GTF2IRD2B: variants seen among roughly 807,000 people sequenced by gnomAD.
The protein encoded by GTF2IRD2B is GTF2I repeat domain containing 2B.
Under a neutral mutation model 55.6 loss-of-function variants are expected in GTF2IRD2B, and 10 were observed. The ratio of observed to expected loss-of-function variants is 0.18; its 90% confidence interval spans 0.11 to 0.31. The LOEUF (loss-of-function observed/expected upper bound fraction) is 0.31. Ranked by LOEUF, GTF2IRD2B falls within the 10% of genes least tolerant of loss-of-function variation. The pLI, the probability that GTF2IRD2B is intolerant of heterozygous loss-of-function variation, is 1.00. For missense variants in GTF2IRD2B, 206 were observed against 802.7 expected (o/e 0.26, Z 8.98); for synonymous variants, 107 against 320.5 (o/e 0.33, Z 7.12).
intron 1 of GTF2IRD2B, among the ~76,000 whole-genome samples, chr7:75,101,550 T>G (rs71560442): frequency 1.4e-4 from 21 of 151,026 alleles, no homozygotes; most frequent in East Asian, 5.9e-4. Context: ...GGCACTGCAC[T>G]TCAGCCTGGG....
rs879976321 is a variant in GTF2IRD2B at position 75,148,193 on chromosome 7, C to G, written c.1746C>G (p.Asp582Glu). ...ENFDVSEELL[D>E]TVPMTGTKSG... Reference sequence around the variant, plus strand: ...TCGATGTGTCCGAAGAACTTCTGGACACGGTGCCCATGACGGGTACAAAAT... The same window carrying G: ...TCGATGTGTCCGAAGAACTTCTGGAGACGGTGCCCATGACGGGTACAAAAT... Residue 582 changes from aspartate (D) to glutamate (E), a missense_variant, in exon 16 of 16, where the codon GAC becomes GAG. Asp to Glu is a conservative substitution (Grantham distance 45). Coordinates refer to ENST00000472837, the MANE Select transcript of GTF2IRD2B (RefSeq NM_001003795.3). 3 of 1,613,714 alleles carry G rather than the reference C, an allele frequency of 1.9e-6. No homozygotes were observed. Among genetic ancestry groups the G allele is most frequent in the Non-Finnish European group, 2.5e-6 (3 of 1,179,860 alleles).
At chr7:75,120,128 CAA>C (rs1410735935) in intron 3 of GTF2IRD2B, among the ~76,000 whole-genome samples, 1 of 76,480 alleles carries the variant, frequency 1.3e-5, no homozygotes, top group Admixed American at 1.4e-4. Flanking sequence ...GACTCTGTCT[CAA>C]AAAAAAAAAA....
intron 3 of GTF2IRD2B, among the ~76,000 whole-genome samples, chr7:75,117,876 A>T (rs1301161175): frequency 6.6e-6 from 1 of 152,282 alleles, no homozygotes; most frequent in African/African-American, 2.4e-5. Flanking sequence ...TGAGGCCAGG[A>T]GTTTGAAACC....
intron 1 of GTF2IRD2B, among the ~76,000 whole-genome samples, chr7:75,101,495 G>A (rs1807554433): frequency 6.6e-6 from 1 of 151,198 alleles, no homozygotes; most frequent in Non-Finnish European, 1.5e-5. Flanking sequence ...AGCCCAGGAG[G>A]TCAAGGCTAC....
chr7:75,147,508 T>C (rs1809183232), intron 15 of GTF2IRD2B, among the ~76,000 whole-genome samples, 186 bp from the exon 16 acceptor site: 1 of 152,092 alleles, frequency 6.6e-6, no homozygotes, highest in Admixed American at 6.6e-5. Context: ...GCTGGCGTCC[T>C]GGCAGCGGTT....
intron 1 of GTF2IRD2B, among the ~76,000 whole-genome samples, chr7:75,099,803 C>G (rs1376401923): frequency 1.4e-5 from 2 of 139,464 alleles, no homozygotes; most frequent in Non-Finnish European, 3.2e-5. Context: ...CTCATCTAGT[C>G]TAGTTTACAT....
chr7:75,138,603 G>T (rs1294006772), intron 11 of GTF2IRD2B, among the ~76,000 whole-genome samples: 1 of 120,510 alleles, frequency 8.3e-6, no homozygotes, highest in Non-Finnish European at 1.7e-5. Context: ...GGAGGCAAAG[G>T]TTGCAGTGAG....
At chr7:75,130,105 CT>C (rs1808620175) in intron 8 of GTF2IRD2B, among the ~76,000 whole-genome samples, 1 of 99,862 alleles carries the variant, frequency 1.0e-5, no homozygotes, top group Non-Finnish European at 2.2e-5. Flanking sequence ...TTCTTTCTTT[CT>C]TTCTTTCTTT....
chr7:75,115,762 T>C (rs2115745419), intron 3 of GTF2IRD2B, among the ~76,000 whole-genome samples: 1 of 151,112 alleles, frequency 6.6e-6, no homozygotes, highest in Non-Finnish European at 1.5e-5. Context: ...GATTTCTTAA[T>C]TTGTACGAGA....
intron 8 of GTF2IRD2B, among the ~76,000 whole-genome samples, chr7:75,127,305 T>C (rs1336448676): frequency 6.6e-6 from 1 of 150,510 alleles, no homozygotes; most frequent in Non-Finnish European, 1.5e-5. Flanking sequence ...ATGGCGAGAC[T>C]TCATCTCTGC....
chr7:75,102,537 G>A (rs1215441937), intron 1 of GTF2IRD2B, among the ~76,000 whole-genome samples: 2 of 151,440 alleles, frequency 1.3e-5, no homozygotes, highest in African/African-American at 2.4e-5. Flanking sequence ...GTAGTGGCTC[G>A]CAGCTGTAAT....
chr7:75,117,213 A>G (rs1373654426), intron 3 of GTF2IRD2B, among the ~76,000 whole-genome samples: 3 of 151,566 alleles, frequency 2.0e-5, no homozygotes, highest in South Asian at 2.1e-4. Context: ...TATTTGAGGA[A>G]TAAATTCCAC....
chr7:75,123,646 C>T (rs1187333237), intron 6 of GTF2IRD2B, 130 bp downstream of exon 6: 3 of 642,978 alleles, frequency 4.7e-6, no homozygotes, highest in African/African-American at 1.8e-5. Context: ...GAGGCTGAGG[C>T]AGGTGGATCA....
chr7:75,114,109 A>AT (rs1357411647), intron 3 of GTF2IRD2B, among the ~76,000 whole-genome samples: 1 of 150,590 alleles, frequency 6.6e-6, no homozygotes, highest in Non-Finnish European at 1.5e-5. Flanking sequence ...AGAGAGAGAG[A>AT]GAGAGAGATG....
chr7:75,114,230 T>G lies in GTF2IRD2B; in HGVS notation c.238+1695T>G, dbSNP rs184857303. Among the ~76,000 whole-genome samples the G allele has an allele frequency of 7.1e-4, 107 of 151,536 alleles. 1 individual carries two copies. The highest frequency in any genetic ancestry group is 5.5e-3 in the Admixed American group (84 of 15,142). ...AAAAAATGAAGCCATCTTTAAATAA[T>G]ACAGTATGTAACTGATACACAAGAA... On this transcript the variant is annotated intron_variant, in intron 3 of 15. Coordinates refer to ENST00000472837, the MANE Select transcript of GTF2IRD2B (RefSeq NM_001003795.3).
intron 1 of GTF2IRD2B, among the ~76,000 whole-genome samples, chr7:75,104,580 TCTCTC>T (rs1244133032): frequency 6.6e-6 from 1 of 152,198 alleles, no homozygotes; most frequent in Non-Finnish European, 1.5e-5. Context: ...TACGCCCTTT[TCTCTC>T]CCGGGGATGC....
intron 3 of GTF2IRD2B, among the ~76,000 whole-genome samples, chr7:75,115,259 C>G (rs1322536807): frequency 6.7e-6 from 1 of 150,158 alleles, no homozygotes; most frequent in African/African-American, 2.5e-5. Flanking sequence ...TATTTCTGGA[C>G]TCCCTACTCT....
intron 1 of GTF2IRD2B, among the ~76,000 whole-genome samples, chr7:75,101,739 A>G: frequency 6.7e-6 from 1 of 148,598 alleles, no homozygotes; most frequent in Middle Eastern, 3.2e-3. Context: ...CTACAAATAC[A>G]AAAAATTAGC....
At position 75,135,381 on chromosome 7, in the gene GTF2IRD2B, A is replaced by G. The variant is rs1966350; in HGVS notation, c.805+324A>G. 2.2e-3 allele frequency among the ~76,000 whole-genome samples: 337 copies of G among 151,530 alleles called. 3 individuals are homozygous for G. The highest frequency in any genetic ancestry group is 3.0e-3 in the Non-Finnish European group (206 of 67,930). The stretch of plus-strand genomic sequence containing the variant: ...ACTCCTGACCTCAAGTGATCCGTCC[A>G]CCTCTGCCTCCCATAGTGCTGGGAT... On this transcript the variant is annotated intron_variant, in intron 10 of 15. Transcript: ENST00000472837.
Sources: gnomAD v4.1 joint callset for allele counts (sites outside exome capture counted in the v4.1 genomes callset) on GRCh38, gnomAD v4.1.1 for gene constraint, MANE v1.5 for transcripts, NCBI Gene and HGNC (gene_info 2026-07-23, HGNC 2026-07-21) for gene names.